The following PCDHA4 variants were observed in gnomAD, a reference collection of about 807,000 sequenced individuals.
The protein encoded by PCDHA4 is protocadherin alpha 4.
PCDHA4 carries 49 observed loss-of-function variants against 61.4 expected under a neutral mutation model. The ratio of observed to expected loss-of-function variants is 0.80; its 90% CI spans 0.63 to 1.01. PCDHA4 has a LOEUF of 1.01. Among genes scored for constraint, PCDHA4 ranks in the 50% least tolerant of loss-of-function variants. The probability of loss-of-function intolerance (pLI) is 0.00; values close to 1 mark genes in which losing one functional copy is unlikely to be tolerated. For synonymous variants in PCDHA4, 590 were observed against 550.3 expected (o/e 1.07, Z -1.01); for missense variants, 1,254 against 1,235.8 (o/e 1.01, Z -0.22).
Position 140,807,809 on chromosome 5 carries a change from A to G in PCDHA4, c.622A>G (p.Ile208Val), listed in dbSNP as rs781897114. 2.2e-5 allele frequency: 35 copies of G among 1,613,958 alleles called. No individual in the cohort carries two copies. The African/African-American group carries it at 3.7e-4, about 17-fold the overall frequency. The change falls in exon 1 of 4, where the codon ATT (isoleucine) becomes GTT (valine). Residue 208 changes from isoleucine (I) to valine (V), a missense_variant. Physicochemically the swap from Ile to Val is conservative, Grantham distance 29. Transcript: ENST00000530339. ...TTTAGACAGAGAAGAAGCTCCGGAG[A>G]TTTTTTTAGTGCTCACAGCCACTGA... is the stretch of plus-strand genomic sequence containing the variant. Reference protein sequence around the residue: ...KSLDREEAPEIFLVLTATDGG... With the variant: ...KSLDREEAPEVFLVLTATDGG...
At position 140,841,125 on chromosome 5, in the gene PCDHA4, C is replaced by T. The variant is rs2150311446; in HGVS notation, c.2385+31553C>T. 38 of 651,618 alleles carry T rather than the reference C, an allele frequency of 5.8e-5. No individual in the cohort carries two copies. In the African/African-American group the frequency reaches 6.2e-4, roughly 11 times the overall value. 40.4% of individuals were successfully genotyped at this position (651,618 alleles called of 1,614,324 possible). A position where few individuals can be genotyped will look rare whatever the true frequency, so the allele number is the denominator to read the frequency against. ...GCGGAAGTAATTCATGTAATCATTACCTTTTGAAGCCACATGATGTCGCTG... is the reference window on the plus strand; with the variant it reads ...GCGGAAGTAATTCATGTAATCATTATCTTTTGAAGCCACATGATGTCGCTG... On this transcript the variant is annotated intron_variant, in intron 1 of 3. Transcript: ENST00000530339.
Position 140,836,117 on chromosome 5 carries a change from A to G in PCDHA4, c.2385+26545A>G, listed in dbSNP as rs1254092346. The G allele has an allele frequency of 3.1e-6, 5 of 1,613,532 alleles. No homozygotes were observed. In the Admixed American group the frequency reaches 5.0e-5, roughly 16 times the overall value. On this transcript the variant is annotated intron_variant, in intron 1 of 3. Transcript: ENST00000530339. ...TGGGTGGCACTGGTGGCGCAGTGAG[A>G]GAGCTTGTGCCGCGGTCTGTGGGCG...
intron 1 of PCDHA4, among the ~76,000 whole-genome samples, chr5:140,912,961 G>C (rs1370850871): frequency 6.6e-6 from 1 of 151,844 alleles, no homozygotes; most frequent in African/African-American, 2.4e-5. Context: ...ATCCCACTTG[G>C]TCTTTTAACT....
intron 1 of PCDHA4, among the ~76,000 whole-genome samples, chr5:140,880,366 C>A (rs2058318245): frequency 6.6e-6 from 1 of 152,052 alleles, no homozygotes; most frequent in African/African-American, 2.4e-5. Flanking sequence ...AGATGAAAAC[C>A]ATGAGAGAAT....
At chr5:140,829,388 C>A (rs1554131920) in intron 1 of PCDHA4, 6 of 1,614,056 alleles carry the variant, frequency 3.7e-6, no homozygotes, top group Non-Finnish European at 5.1e-6. Flanking sequence ...CGGGGGCTCG[C>A]CTTCGCTGTG....
intron 1 of PCDHA4, chr5:140,884,432 C>G: frequency 6.2e-7 from 1 of 1,613,880 alleles, no homozygotes; most frequent in Non-Finnish European, 8.5e-7. Context: ...TACTGCGCTG[C>G]GGTGCTCGGC....
chr5:140,868,431 G>T (rs1319024879), intron 1 of PCDHA4: 2 of 152,206 alleles, frequency 1.3e-5, no homozygotes, highest in Non-Finnish European at 2.9e-5. Flanking sequence ...GATGAGAATA[G>T]ATCATGTGGA....
chr5:140,898,765 G>C (rs1336398509), intron 1 of PCDHA4, among the ~76,000 whole-genome samples: 1 of 151,640 alleles, frequency 6.6e-6, no homozygotes, highest in African/African-American at 2.4e-5. Context: ...CATTGAATCT[G>C]TAAATTACCT....
intron 3 of PCDHA4, among the ~76,000 whole-genome samples, chr5:140,989,765 C>T (rs2097359812): frequency 6.6e-6 from 1 of 152,166 alleles, no homozygotes; most frequent in South Asian, 2.1e-4. Context: ...ATATTCAGTT[C>T]AAGCACTGGC....
At chr5:140,823,300 G>A in intron 1 of PCDHA4, 4 of 1,612,472 alleles carry the variant, frequency 2.5e-6, no homozygotes, top group Non-Finnish European at 3.4e-6. Context: ...TTACGTTTCG[G>A]TGCACGCGGA....
At chr5:140,831,867 T>C (rs1273262547) in intron 1 of PCDHA4, among the ~76,000 whole-genome samples, 1 of 152,226 alleles carries the variant, frequency 6.6e-6, no homozygotes, top group Non-Finnish European at 1.5e-5. Flanking sequence ...AGTAAGTTGA[T>C]ATTGTAAGGC....
intron 1 of PCDHA4, among the ~76,000 whole-genome samples, chr5:140,831,517 C>T (rs1771584524): frequency 7.7e-6 from 1 of 129,936 alleles, no homozygotes; most frequent in East Asian, 2.2e-4. Context: ...CCATGCCCCC[C>T]ACCTTTTTTT....
At position 140,951,544 on chromosome 5, in the gene PCDHA4, G is replaced by A. The variant is rs543008494; in HGVS notation, c.2386-27405G>A. On this transcript the variant is annotated intron_variant, in intron 1 of 3. Transcript: ENST00000530339. ...CATGGCCGGTGCAGGAGCAAGGGAC[G>A]GGGGGAAGTGCTACGCACTTTTAAA... Among the ~76,000 whole-genome samples the A allele has an allele frequency of 1.4e-3, 220 of 151,994 alleles. 1 individual carries two copies. The highest frequency in any genetic ancestry group is 4.9e-3 in the African/African-American group (204 of 41,462).
At chr5:140,997,141 C>T (rs941650589) in intron 3 of PCDHA4, among the ~76,000 whole-genome samples, 6 of 152,088 alleles carry the variant, frequency 3.9e-5, no homozygotes, top group Admixed American at 2.6e-4. Flanking sequence ...CCCACACCCC[C>T]GCCACAGTGA....
chr5:140,956,774 C>A (rs1232431991), intron 1 of PCDHA4, among the ~76,000 whole-genome samples: 2 of 152,070 alleles, frequency 1.3e-5, no homozygotes, highest in Non-Finnish European at 2.9e-5. Flanking sequence ...TCTGTCTGGT[C>A]CTGGGCTTTG....
intron 1 of PCDHA4, chr5:140,828,447 T>G: frequency 6.2e-7 from 1 of 1,614,248 alleles, no homozygotes; most frequent in Non-Finnish European, 8.5e-7. Context: ...GTTTTCCATG[T>G]GGACGTGGAG....
intron 1 of PCDHA4, among the ~76,000 whole-genome samples, chr5:140,910,282 T>C (rs557559116): frequency 1.3e-5 from 2 of 152,300 alleles, no homozygotes; most frequent in East Asian, 1.9e-4. Context: ...AGGAACACCA[T>C]GATTAATCAA....
chr5:140,847,401 A>G (rs1780996739), intron 1 of PCDHA4: 1 of 149,750 alleles, frequency 6.7e-6, no homozygotes. Context: ...TAATGGCACA[A>G]TAAACACTCA....
At position 140,830,008 on chromosome 5, in the gene PCDHA4, A is replaced by G. The variant is rs2150179389; in HGVS notation, c.2385+20436A>G. The G allele has an allele frequency of 0.011, 17,411 of 1,613,856 alleles. 1,614 individuals are homozygous for G. In the African/African-American group the frequency reaches 0.2, roughly 19 times the overall value. On this transcript the variant is annotated intron_variant, in intron 1 of 3. Coordinates refer to ENST00000530339, the MANE Select transcript of PCDHA4 (RefSeq NM_018907.4). Reference sequence around the variant, plus strand: ...TCAGCACCACTCGTGTCCTGGACGAAGCGGACTCTCCGCGCCACCGGCTGC... The same window carrying G: ...TCAGCACCACTCGTGTCCTGGACGAGGCGGACTCTCCGCGCCACCGGCTGC...
Sources: allele counts gnomAD v4.1 joint callset (sites outside exome capture counted in the v4.1 genomes callset), GRCh38; gene constraint gnomAD v4.1.1; transcripts MANE v1.5; gene names NCBI Gene and HGNC (gene_info 2026-07-23, HGNC 2026-07-21).